Variants in AP2B1 observed in about 807,000 individuals in gnomAD.
AP2B1 encodes the protein adaptor related protein complex 2 subunit beta 1.
AP2B1 carries 23 observed loss-of-function variants against 102.0 expected under a neutral mutation model. That is an observed-to-expected ratio of 0.23 (90% CI 0.16 to 0.32). AP2B1 has a LOEUF of 0.32. Among genes scored for constraint, AP2B1 ranks in the 10% least tolerant of loss-of-function variants. The pLI, the probability that AP2B1 is intolerant of heterozygous loss-of-function variation, is 1.00. For synonymous variants in AP2B1, 381 were observed against 421.2 expected (o/e 0.90, Z 1.17); for missense variants, 541 against 1,157.4 (o/e 0.47, Z 7.73).
chr17:35,708,283 C>T (rs1210811369), intron 18 of AP2B1, among the ~76,000 whole-genome samples: 1 of 152,200 alleles, frequency 6.6e-6, no homozygotes, highest in Non-Finnish European at 1.5e-5. Flanking sequence ...TCATTAGTGA[C>T]AGAAACCAGT....
chr17:35,692,785 A>G (rs985745374), intron 18 of AP2B1, among the ~76,000 whole-genome samples: 2 of 152,220 alleles, frequency 1.3e-5, no homozygotes, highest in African/African-American at 4.8e-5. Context: ...TGTACACATA[A>G]GGAATGTAAA....
chr17:35,635,770 C>T (rs1452901907), intron 9 of AP2B1, among the ~76,000 whole-genome samples: 1 of 152,154 alleles, frequency 6.6e-6, no homozygotes, highest in African/African-American at 2.4e-5. Context: ...GATCTCGGCT[C>T]ATTGCAGCCT....
intron 1 of AP2B1, among the ~76,000 whole-genome samples, chr17:35,592,423 G>T (rs551136738): frequency 2.0e-5 from 3 of 152,178 alleles, no homozygotes; most frequent in South Asian, 4.1e-4. Context: ...TGAGATCATA[G>T]CTCCCTGTAG....
chr17:35,699,631 C>T (rs962441405), intron 18 of AP2B1, among the ~76,000 whole-genome samples: 6 of 152,158 alleles, frequency 3.9e-5, no homozygotes, highest in African/African-American at 1.4e-4. Flanking sequence ...ATTGACATTT[C>T]CTGTGGTTCA....
chr17:35,637,582 G>A (rs2074644569), intron 10 of AP2B1, among the ~76,000 whole-genome samples: 1 of 151,934 alleles, frequency 6.6e-6, no homozygotes, highest in African/African-American at 2.4e-5. Context: ...GCAAGGTAGT[G>A]GTTTATTAAG....
chr17:35,607,577 T>C (rs1300111593), intron 4 of AP2B1, among the ~76,000 whole-genome samples: 1 of 152,226 alleles, frequency 6.6e-6, no homozygotes, highest in Non-Finnish European at 1.5e-5. Context: ...AAGCACTTGC[T>C]AGTAAAAGAG....
At chr17:35,680,386 A>G (rs897927970) in intron 17 of AP2B1, among the ~76,000 whole-genome samples, 8 of 151,858 alleles carry the variant, frequency 5.3e-5, no homozygotes, top group Non-Finnish European at 7.4e-5. Flanking sequence ...CACCCGAAAC[A>G]GGGTCTTGCT....
intron 17 of AP2B1, among the ~76,000 whole-genome samples, chr17:35,680,790 G>A (rs1385575676): frequency 1.4e-5 from 2 of 146,290 alleles, no homozygotes; most frequent in African/African-American, 5.0e-5. Flanking sequence ...TCCGCCTCCC[G>A]GGTTCAAACA....
intron 20 of AP2B1, 26 bp from the exon 21 acceptor site, chr17:35,717,169 G>A (rs782617509): frequency 1.2e-6 from 2 of 1,611,120 alleles, no homozygotes; most frequent in African/African-American, 1.3e-5. Context: ...AACTGAAGGT[G>A]TTGGATTTTG....
intron 12 of AP2B1, among the ~76,000 whole-genome samples, chr17:35,643,567 A>G (rs142814636): frequency 6.6e-6 from 1 of 152,314 alleles, no homozygotes; most frequent in African/African-American, 2.4e-5. Context: ...GAGATAAAGT[A>G]TTTAGGAAGG....
intron 11 of AP2B1, among the ~76,000 whole-genome samples, chr17:35,640,639 A>C (rs1296986331): frequency 4.6e-5 from 7 of 152,188 alleles, no homozygotes; most frequent in Non-Finnish European, 1.0e-4. Context: ...TTTAAAGCAC[A>C]TGTTGCTGGG....
intron 9 of AP2B1, among the ~76,000 whole-genome samples, chr17:35,631,013 A>T (rs2074446576): frequency 6.6e-6 from 1 of 152,234 alleles, no homozygotes; most frequent in South Asian, 2.1e-4. Flanking sequence ...AGGAATCAGC[A>T]GCATAAGAAT....
At chr17:35,686,190 T>C (rs1298601436) in intron 18 of AP2B1, among the ~76,000 whole-genome samples, 1 of 152,258 alleles carries the variant, frequency 6.6e-6, no homozygotes, top group East Asian at 1.9e-4. Context: ...GTGAATCAGC[T>C]TATAAACATT....
intron 5 of AP2B1, among the ~76,000 whole-genome samples, chr17:35,618,500 A>C (rs745375622): frequency 1.3e-5 from 2 of 152,220 alleles, no homozygotes; most frequent in Non-Finnish European, 2.9e-5. Context: ...GCTGGAAATC[A>C]AAGTCCTGTA....
Position 35,657,752 on chromosome 17 carries a change from G to A in AP2B1, c.1950G>A (p.Met650Ile), listed in dbSNP as rs2075266442. The change falls in exon 14 of 22, where the codon ATG becomes ATA. Residue 650 changes from methionine to isoleucine, a missense_variant. Coordinates refer to ENST00000610402, the MANE Select transcript of AP2B1 (RefSeq NM_001030006.2). ...TGCCACAGGTGTCCTCCATGCAGAT[G>A]GGAGCAGTGGATCTCCTAGGAGGAG... ...VNVPQVSSMQ[M>I]GAVDLLGGGL... is the part of the protein sequence containing the mutation. 1 of 1,613,898 alleles carries A rather than the reference G, an allele frequency of 6.2e-7. No homozygotes were observed. Among genetic ancestry groups the A allele is most frequent in the Non-Finnish European group, 8.5e-7 (1 of 1,179,996 alleles).
chr17:35,617,805 A>G (rs989707052), intron 5 of AP2B1, among the ~76,000 whole-genome samples: 2 of 152,192 alleles, frequency 1.3e-5, no homozygotes, highest in African/African-American at 4.8e-5. Context: ...TATTTTGTTC[A>G]AGTTGCAGCT....
chr17:35,609,348 AT>A (rs71366466), intron 5 of AP2B1, among the ~76,000 whole-genome samples: 29 of 139,440 alleles, frequency 2.1e-4, no homozygotes, highest in Non-Finnish European at 2.4e-4. Flanking sequence ...CATCCCGCTA[AT>A]TTTTTTTTTT....
chr17:35,719,307 A>G (rs979094882), intron 21 of AP2B1, among the ~76,000 whole-genome samples: 8 of 152,052 alleles, frequency 5.3e-5, no homozygotes, highest in Admixed American at 1.3e-4. Flanking sequence ...TATTACATGT[A>G]TCAATTTGAT....
intron 9 of AP2B1, 111 bp downstream of exon 9, chr17:35,627,837 CAATGTT>C: frequency 1.1e-6 from 1 of 887,290 alleles, no homozygotes; most frequent in South Asian, 2.1e-5. Context: ...CACACAGTTT[CAATGTT>C]AAAGAATTTT....
Sources: gnomAD v4.1 joint callset for allele counts (sites outside exome capture counted in the v4.1 genomes callset) on GRCh38, gnomAD v4.1.1 for gene constraint, MANE v1.5 for transcripts, NCBI Gene and HGNC (gene_info 2026-07-23, HGNC 2026-07-21) for gene names.